FRMD5: variants seen among roughly 807,000 people sequenced by gnomAD.
FRMD5 encodes FERM domain-containing protein 5.
A neutral mutation model predicts 69.0 loss-of-function variants in FRMD5; 20 were observed. The ratio of observed to expected loss-of-function variants is 0.29; its 90% CI spans 0.20 to 0.42. FRMD5 has a LOEUF of 0.42. FRMD5 is among the 10% of genes least tolerant of loss of function. The probability of loss-of-function intolerance (pLI) is 1.00; values close to 1 mark genes in which losing one functional copy is unlikely to be tolerated. For missense variants in FRMD5, 595 were observed against 708.6 expected, an observed-to-expected ratio of 0.84 and a Z score of 1.82; for synonymous variants, 271 against 260.1, an observed-to-expected ratio of 1.04 and a Z score of -0.40.
intron 1 of FRMD5, among the ~76,000 whole-genome samples, chr15:43,947,255 G>T (rs2089961713): frequency 6.6e-6 from 1 of 152,194 alleles, no homozygotes; most frequent in Admixed American, 6.5e-5. Context: ...GAGTGTGAGA[G>T]TATATGTGAA....
chr15:43,984,513 A>T (rs1889290323), intron 1 of FRMD5, among the ~76,000 whole-genome samples: 1 of 152,194 alleles, frequency 6.6e-6, no homozygotes, highest in Non-Finnish European at 1.5e-5. Context: ...CTACTACCTC[A>T]ACAATCCTTG....
intron 10 of FRMD5, among the ~76,000 whole-genome samples, chr15:43,886,601 T>C (rs1320400126): frequency 1.3e-5 from 2 of 152,148 alleles, no homozygotes; most frequent in Admixed American, 1.3e-4. Context: ...ATCCAACCAG[T>C]AACCTATGTG....
At chr15:44,014,457 CTGGGTGTGGTAGCTCACGCCTG>C (rs1595624812) in intron 1 of FRMD5, among the ~76,000 whole-genome samples, 1 of 152,168 alleles carries the variant, frequency 6.6e-6, no homozygotes, top group East Asian at 1.9e-4. Context: ...TCTACCTCGG[CTGGGTGTGGTAGCTCACGCCTG>C]TAATCCCAAC....
chr15:43,925,632 TG>T (rs2089571059), intron 1 of FRMD5, among the ~76,000 whole-genome samples: 1 of 152,246 alleles, frequency 6.6e-6, no homozygotes, highest in South Asian at 2.1e-4. Context: ...CAGAATAAAA[TG>T]AAAACTCTGA....
At chr15:43,980,631 T>C (rs1484173434) in intron 1 of FRMD5, among the ~76,000 whole-genome samples, 4 of 152,220 alleles carry the variant, frequency 2.6e-5, no homozygotes, top group African/African-American at 9.6e-5. Context: ...TTGAAAGATA[T>C]GAAACTGAGT....
intron 1 of FRMD5, among the ~76,000 whole-genome samples, chr15:44,074,218 C>T (rs540266606): frequency 1.3e-5 from 2 of 152,118 alleles, no homozygotes; most frequent in Non-Finnish European, 2.9e-5. Context: ...AGAAGCCCCC[C>T]CAAAGTAATA....
intron 1 of FRMD5, among the ~76,000 whole-genome samples, chr15:44,120,398 A>C (rs2076929886): frequency 6.6e-6 from 1 of 152,226 alleles, no homozygotes; most frequent in Non-Finnish European, 1.5e-5. Flanking sequence ...CAAAGATAGA[A>C]CCGACAAAAC....
rs913295059 is a variant in FRMD5, at chr15:43,985,955, G to T, written c.103-61646C>A. Among the ~76,000 whole-genome samples the T allele has an allele frequency of 1.2e-4, 19 of 152,294 alleles. No individual in the cohort carries two copies. The East Asian group carries it at 2.9e-3, about 23-fold the overall frequency. ...GACCAGGAATCAGAAAATTAGCAGT[G>T]GGCCTGAAGGAATGCAGGAATTGAC... On this transcript the variant is annotated intron_variant, in intron 1 of 13. Transcript: ENST00000417257.
At chr15:44,083,139 T>C (rs1367828874) in intron 1 of FRMD5, among the ~76,000 whole-genome samples, 4 of 151,998 alleles carry the variant, frequency 2.6e-5, no homozygotes, top group Non-Finnish European at 5.9e-5. Flanking sequence ...TCAGTGGTCA[T>C]ATATAAATAT....
intron 7 of FRMD5, among the ~76,000 whole-genome samples, chr15:43,894,254 G>C (rs1264958747): frequency 6.6e-6 from 1 of 152,176 alleles, no homozygotes; most frequent in Non-Finnish European, 1.5e-5. Flanking sequence ...AGAATGACTG[G>C]GAGAGGTTGG....
intron 1 of FRMD5, among the ~76,000 whole-genome samples, chr15:43,964,857 A>G (rs1468314869): frequency 6.6e-6 from 1 of 152,234 alleles, no homozygotes; most frequent in Non-Finnish European, 1.5e-5. Flanking sequence ...TGAAAACACA[A>G]TGACTTATAG....
chr15:44,036,443 T>C (rs1291371718), intron 1 of FRMD5, among the ~76,000 whole-genome samples: 2 of 152,126 alleles, frequency 1.3e-5, no homozygotes, highest in African/African-American at 2.4e-5. Flanking sequence ...TTAGAGAGTA[T>C]AGGCACCGGC....
chr15:44,004,396 G>T (rs1452003576), intron 1 of FRMD5, among the ~76,000 whole-genome samples: 1 of 152,226 alleles, frequency 6.6e-6, no homozygotes, highest in East Asian at 1.9e-4. Flanking sequence ...AAGGTTTGTG[G>T]CAACCTGGCA....
chr15:44,093,908 CT>C (rs2076512908), intron 1 of FRMD5, among the ~76,000 whole-genome samples: 1 of 151,286 alleles, frequency 6.6e-6, no homozygotes, highest in Admixed American at 6.6e-5. Context: ...CCCAGCCCCA[CT>C]GAAAAAAAAA....
intron 2 of FRMD5, among the ~76,000 whole-genome samples, chr15:43,920,237 C>T (rs1468930624): frequency 6.6e-6 from 1 of 151,618 alleles, no homozygotes; most frequent in Non-Finnish European, 1.5e-5. Context: ...CTTTTTTTGG[C>T]AGGGGAGTGG....
At chr15:44,148,402 G>A (rs2077389802) in intron 1 of FRMD5, among the ~76,000 whole-genome samples, 1 of 151,956 alleles carries the variant, frequency 6.6e-6, no homozygotes, top group South Asian at 2.1e-4. Context: ...CTCCCGAGTA[G>A]CTGGGACTAC....
At chr15:43,906,597 C>CT (rs553575491) in intron 5 of FRMD5, among the ~76,000 whole-genome samples, 4 of 151,158 alleles carry the variant, frequency 2.6e-5, no homozygotes, top group African/African-American at 9.8e-5. Flanking sequence ...GCATCAAGTT[C>CT]TTTTTTTTTG....
chr15:43,936,163 C>G (rs1380957837), intron 1 of FRMD5, among the ~76,000 whole-genome samples: 2 of 152,178 alleles, frequency 1.3e-5, no homozygotes, highest in East Asian at 3.8e-4. Context: ...GTGCCCTGTA[C>G]ATGATCCTCA....
intron 1 of FRMD5, among the ~76,000 whole-genome samples, chr15:44,006,802 G>C (rs1890470626): frequency 6.6e-6 from 1 of 152,236 alleles, no homozygotes; most frequent in South Asian, 2.1e-4. Context: ...GTGGTTTCTT[G>C]AGATGGAAAC....
Sources: allele counts gnomAD v4.1 joint callset (sites outside exome capture counted in the v4.1 genomes callset), GRCh38; gene constraint gnomAD v4.1.1; transcripts MANE v1.5; gene names NCBI Gene and HGNC (gene_info 2026-07-23, HGNC 2026-07-21).